ITGBL1: variants seen among roughly 807,000 people sequenced by gnomAD.
ITGBL1 encodes integrin beta-like protein 1.
A neutral mutation model predicts 68.5 loss-of-function variants in ITGBL1; 51 were observed. That is an observed-to-expected ratio of 0.74 (90% CI 0.59 to 0.94). The LOEUF is 0.94. ITGBL1 is among the 40% of genes least tolerant of loss of function. The pLI is 0.00. For synonymous variants in ITGBL1, 209 were observed against 227.3 expected, an observed-to-expected ratio of 0.92 and a Z score of 0.72; for missense variants, 649 against 647.4, an observed-to-expected ratio of 1.00 and a Z score of -0.03.
At chr13:101,469,853 A>G (rs1325619877) in intron 2 of ITGBL1, among the ~76,000 whole-genome samples, 1 of 152,214 alleles carries the variant, frequency 6.6e-6, no homozygotes, top group Non-Finnish European at 1.5e-5. Flanking sequence ...TAGGATGAAA[A>G]TGCAGAGGCA....
chr13:101,715,683 ATTTTTTCTGGGCCAT>A lies in ITGBL1; in HGVS notation c.*31_*45del. On this transcript the variant is annotated 3_prime_UTR_variant, in exon 11 of 11. Transcript: ENST00000376180. ...TTACATGAGAGAGGTCTGGATTCTT[ATTTTTTCTGGGCCAT>A]TAGAACAGATAAATGCGAAGGAAAC... is the stretch of plus-strand genomic sequence containing the variant. The A allele has an allele frequency of 6.8e-7, 1 of 1,464,502 alleles. No homozygotes were observed. The highest frequency in any genetic ancestry group is 9.6e-7 in the Non-Finnish European group (1 of 1,043,726). 90.7% of individuals were successfully genotyped at this position (1,464,502 alleles called of 1,614,324 possible). A position where few individuals can be genotyped will look rare whatever the true frequency, so the allele number is the denominator to read the frequency against.
intron 7 of ITGBL1, among the ~76,000 whole-genome samples, chr13:101,629,744 C>T (rs1478844807): frequency 2.6e-5 from 4 of 151,916 alleles, no homozygotes; most frequent in Non-Finnish European, 4.4e-5. Context: ...TCCTTAAATC[C>T]GACTACTATA....
intron 7 of ITGBL1, among the ~76,000 whole-genome samples, chr13:101,661,617 T>C (rs2033093228): frequency 1.3e-5 from 2 of 152,226 alleles, no homozygotes; most frequent in Admixed American, 6.5e-5. Context: ...TTATTTGGTC[T>C]TTGCATTGCT....
intron 7 of ITGBL1, among the ~76,000 whole-genome samples, chr13:101,604,887 T>TATAGACACACACACACACACACACAC: frequency 4.5e-5 from 1 of 22,166 alleles, no homozygotes. Flanking sequence ...TATATATATA[T>TATAGACACACACACACACACACACAC]ACACACACAC....
At chr13:101,502,510 A>G (rs1447613986) in intron 2 of ITGBL1, among the ~76,000 whole-genome samples, 2 of 152,220 alleles carry the variant, frequency 1.3e-5, no homozygotes, top group South Asian at 2.1e-4. Flanking sequence ...TCTCTTAGGT[A>G]TATGAGATAA....
chr13:101,523,511 A>G (rs1428405483), intron 2 of ITGBL1, among the ~76,000 whole-genome samples: 2 of 152,152 alleles, frequency 1.3e-5, no homozygotes, highest in African/African-American at 2.4e-5. Context: ...ACCTTTATTG[A>G]CAGTGAACCT....
chr13:101,580,284 T>A (rs912393227), intron 5 of ITGBL1, among the ~76,000 whole-genome samples: 3 of 152,180 alleles, frequency 2.0e-5, no homozygotes, highest in African/African-American at 7.2e-5. Context: ...GCATACCACC[T>A]GTCAGAAATT....
chr13:101,464,531 C>CTCTA (rs1555352383), intron 2 of ITGBL1, among the ~76,000 whole-genome samples: 1 of 150,702 alleles, frequency 6.6e-6, no homozygotes, highest in Non-Finnish European at 1.5e-5. Context: ...CTCTCTCTCT[C>CTCTA]TATATATATA....
intron 7 of ITGBL1, among the ~76,000 whole-genome samples, chr13:101,602,443 A>G (rs772111686): frequency 4.6e-5 from 7 of 152,034 alleles, no homozygotes; most frequent in Non-Finnish European, 1.0e-4. Flanking sequence ...TTAATATGAA[A>G]TATGCTTTTG....
chr13:101,546,242 C>G (rs1040950720), intron 2 of ITGBL1, among the ~76,000 whole-genome samples: 4 of 152,038 alleles, frequency 2.6e-5, no homozygotes, highest in Non-Finnish European at 5.9e-5. Context: ...GTGGTTGGTG[C>G]AATTGCAGTG....
intron 7 of ITGBL1, among the ~76,000 whole-genome samples, chr13:101,626,266 A>G (rs2031775397): frequency 6.6e-6 from 1 of 152,190 alleles, no homozygotes; most frequent in Non-Finnish European, 1.5e-5. Flanking sequence ...GATCACTACC[A>G]CCCATGGATT....
intron 7 of ITGBL1, among the ~76,000 whole-genome samples, chr13:101,640,152 T>C (rs917334925): frequency 2.0e-5 from 3 of 152,180 alleles, no homozygotes; most frequent in Admixed American, 6.6e-5. Flanking sequence ...TGAAAATCAG[T>C]GTACACTATT....
intron 6 of ITGBL1, among the ~76,000 whole-genome samples, chr13:101,596,945 G>GATCAC (rs1239750772): frequency 6.6e-6 from 1 of 152,206 alleles, no homozygotes; most frequent in East Asian, 1.9e-4. Flanking sequence ...TGACTAGGCA[G>GATCAC]ATCACAGAGG....
chr13:101,597,561 GT>G (rs1454656460), intron 6 of ITGBL1, among the ~76,000 whole-genome samples: 1 of 147,408 alleles, frequency 6.8e-6, no homozygotes, highest in Non-Finnish European at 1.5e-5. Flanking sequence ...TTGTTTTTTT[GT>G]TTTTTTTGAG....
At chr13:101,639,888 C>A (rs953365431) in intron 7 of ITGBL1, among the ~76,000 whole-genome samples, 4 of 152,140 alleles carry the variant, frequency 2.6e-5, no homozygotes, top group Non-Finnish European at 5.9e-5. Context: ...TCTTTTGTTT[C>A]TTTACTGATT....
chr13:101,554,689 A>T (rs538815591), intron 2 of ITGBL1, among the ~76,000 whole-genome samples: 1 of 152,266 alleles, frequency 6.6e-6, no homozygotes, highest in South Asian at 2.1e-4. Context: ...CTCTCCAGGG[A>T]TATGCAGTTT....
chr13:101,521,433 G>T (rs186338756), intron 2 of ITGBL1, among the ~76,000 whole-genome samples: 114 of 152,290 alleles, frequency 7.5e-4, no homozygotes, highest in African/African-American at 2.7e-3. Flanking sequence ...GGGCCGATGA[G>T]AAGCAATTTT....
At chr13:101,543,690 T>G (rs1258257389) in intron 2 of ITGBL1, among the ~76,000 whole-genome samples, 1 of 152,226 alleles carries the variant, frequency 6.6e-6, no homozygotes, top group Non-Finnish European at 1.5e-5. Flanking sequence ...CACTTTCAGG[T>G]ACACCAATCA....
In ITGBL1 at chr13:101,567,858, C is replaced by A. The variant is rs1171202294; in HGVS notation, c.463+13C>A. ...TGCTCTAATGCAGGTAAGAAGTATA[C>A]CCTGTGAAAATTGTTAAGTGGAATA... is the stretch of plus-strand genomic sequence containing the variant. On this transcript the variant is annotated intron_variant, in intron 3 of 10. Transcript: ENST00000376180. 1.2e-6 allele frequency: 2 copies of A among 1,601,590 alleles called. No individual in the cohort carries two copies. The highest frequency in any genetic ancestry group is 2.2e-5 in the East Asian group (1 of 44,464).
Sources: allele counts gnomAD v4.1 joint callset (sites outside exome capture counted in the v4.1 genomes callset), GRCh38; gene constraint gnomAD v4.1.1; transcripts MANE v1.5; gene names NCBI Gene and HGNC (gene_info 2026-07-23, HGNC 2026-07-21).